Variants in NOS1AP observed in about 807,000 individuals in gnomAD.
The protein encoded by NOS1AP is nitric oxide synthase 1 adaptor protein, also known as carboxyl-terminal PDZ ligand of neuronal nitric oxide synthase protein.
NOS1AP carries 21 observed loss-of-function variants against 56.2 expected under a neutral mutation model. That is an observed-to-expected ratio of 0.37 (90% CI 0.26 to 0.54). The LOEUF is 0.54. Among genes scored for constraint, NOS1AP ranks in the 20% least tolerant of loss-of-function variants. The probability of loss-of-function intolerance (pLI) is 0.84; values close to 1 mark genes in which losing one functional copy is unlikely to be tolerated. For synonymous variants in NOS1AP, 270 were observed against 274.6 expected, an observed-to-expected ratio of 0.98 and a Z score of 0.17; for missense variants, 522 against 657.8, an observed-to-expected ratio of 0.79 and a Z score of 2.26.
intron 1 of NOS1AP, among the ~76,000 whole-genome samples, chr1:162,119,557 T>C (rs781182452): frequency 6.6e-6 from 1 of 152,228 alleles, no homozygotes; most frequent in East Asian, 1.9e-4. Context: ...CTCGTACTGC[T>C]GCTATTCTTT....
chr1:162,251,869 G>GTTTTTTTTTTT (rs57313228), intron 2 of NOS1AP, among the ~76,000 whole-genome samples: 146 of 82,152 alleles, frequency 1.8e-3, no homozygotes, highest in Admixed American at 1.8e-3. Flanking sequence ...TTTTTTTTTT[G>GTTTTTTTTTTT]TTTTTTTTTT....
intron 2 of NOS1AP, among the ~76,000 whole-genome samples, chr1:162,175,221 ACCTCCTT>A (rs1651005192): frequency 6.6e-6 from 1 of 151,514 alleles, no homozygotes; most frequent in African/African-American, 2.4e-5. Context: ...GTTTTGCTCT[ACCTCCTT>A]AAAGGCAGTT....
At chr1:162,330,470 G>A (rs151265278) in intron 4 of NOS1AP, among the ~76,000 whole-genome samples, 33 of 152,338 alleles carry the variant, frequency 2.2e-4, no homozygotes, top group Admixed American at 3.9e-4. Flanking sequence ...AGGCTGCTCT[G>A]AACCAAGTCT....
chr1:162,159,672 A>G (rs927594584), intron 2 of NOS1AP, among the ~76,000 whole-genome samples: 4 of 152,098 alleles, frequency 2.6e-5, no homozygotes, highest in African/African-American at 4.8e-5. Context: ...GAGCAACTGT[A>G]TTCCCAACAT....
intron 2 of NOS1AP, among the ~76,000 whole-genome samples, chr1:162,202,771 A>G (rs1195916560): frequency 1.3e-5 from 2 of 152,240 alleles, no homozygotes; most frequent in Non-Finnish European, 2.9e-5. Flanking sequence ...TTTTGTATCA[A>G]CTAAGATGCT....
intron 2 of NOS1AP, among the ~76,000 whole-genome samples, chr1:162,233,444 TA>T (rs1298074884): frequency 2.0e-5 from 3 of 152,164 alleles, no homozygotes; most frequent in Non-Finnish European, 4.4e-5. Flanking sequence ...TCTTTAAAAA[TA>T]ACATCTTTAT....
chr1:162,197,980 G>A (rs991126332), intron 2 of NOS1AP, among the ~76,000 whole-genome samples: 7 of 152,224 alleles, frequency 4.6e-5, no homozygotes, highest in African/African-American at 1.4e-4. Flanking sequence ...CACCAGCCTC[G>A]CCCAGAGTGT....
At position 162,368,900 on chromosome 1, in the gene NOS1AP, G is replaced by C. The variant is rs1380166429; in HGVS notation, c.*1433G>C. On this transcript the variant is annotated 3_prime_UTR_variant, in exon 10 of 10. Transcript: ENST00000361897. ...TGATTATCCCAAAATGGAGTTCATCGACCCTAGCTTTCCTTTAGATTATAT... is the reference window on the plus strand; with the variant it reads ...TGATTATCCCAAAATGGAGTTCATCCACCCTAGCTTTCCTTTAGATTATAT... The C allele has an allele frequency of 6.6e-6, 1 of 152,200 alleles. No homozygotes were observed. Among genetic ancestry groups the C allele is most frequent in the African/African-American group, 2.4e-5 (1 of 41,452 alleles). The allele number at this position is 152,200 out of a possible 1,614,324, so 9.4% of individuals were successfully genotyped here. A position where few individuals can be genotyped will look rare whatever the true frequency, so the allele number is the denominator to read the frequency against.
intron 1 of NOS1AP, among the ~76,000 whole-genome samples, chr1:162,129,366 T>C (rs1345529407): frequency 1.3e-5 from 2 of 152,176 alleles, no homozygotes; most frequent in Non-Finnish European, 2.9e-5. Context: ...TAAACCCTGA[T>C]TGTTGCCCAC....
chr1:162,096,381 C>A (rs1299463563), intron 1 of NOS1AP, among the ~76,000 whole-genome samples: 1 of 152,112 alleles, frequency 6.6e-6, no homozygotes, highest in South Asian at 2.1e-4. Flanking sequence ...ACCAGTTGAA[C>A]CACCATCAGG....
chr1:162,186,023 G>A (rs3927640), intron 2 of NOS1AP, among the ~76,000 whole-genome samples: 76,287 of 152,090 alleles, frequency 0.5, 20,495 homozygotes, highest in East Asian at 0.76. Flanking sequence ...CTCCTCCTTC[G>A]TAGTTGCTTT....
intron 1 of NOS1AP, among the ~76,000 whole-genome samples, chr1:162,144,867 T>A (rs970404767): frequency 6.6e-6 from 1 of 152,212 alleles, no homozygotes; most frequent in African/African-American, 2.4e-5. Context: ...AAGCTTTTGC[T>A]AATGGAGACT....
chr1:162,250,028 T>G (rs1451813313), intron 2 of NOS1AP, among the ~76,000 whole-genome samples: 2 of 152,194 alleles, frequency 1.3e-5, no homozygotes, highest in African/African-American at 4.8e-5. Context: ...AATGGAGCAG[T>G]CAAATCCCAT....
chr1:162,287,591 C>T (rs1400259318), intron 3 of NOS1AP, among the ~76,000 whole-genome samples, 155 bp downstream of exon 3: 1 of 152,098 alleles, frequency 6.6e-6, no homozygotes, highest in Non-Finnish European at 1.5e-5. Context: ...CAGGCTGCAG[C>T]AGAGTGTAGG....
At chr1:162,325,818 C>T (rs1369346612) in intron 4 of NOS1AP, among the ~76,000 whole-genome samples, 4 of 151,914 alleles carry the variant, frequency 2.6e-5, no homozygotes, top group African/African-American at 9.7e-5. Context: ...CTCTGTGCTG[C>T]AGCATGTCTT....
At chr1:162,270,236 C>T (rs1654543327) in intron 2 of NOS1AP, among the ~76,000 whole-genome samples, 2 of 152,118 alleles carry the variant, frequency 1.3e-5, no homozygotes, top group Admixed American at 6.5e-5. Context: ...TCCTTGCTTC[C>T]TCCCTGAGTT....
chr1:162,099,191 T>G (rs1341096187), intron 1 of NOS1AP, among the ~76,000 whole-genome samples: 3 of 107,474 alleles, frequency 2.8e-5, no homozygotes, highest in Non-Finnish European at 7.4e-5. Flanking sequence ...TTTTGACTTT[T>G]TTTTTGTTTT....
intron 1 of NOS1AP, among the ~76,000 whole-genome samples, chr1:162,132,464 T>C (rs1053953442): frequency 6.6e-6 from 1 of 152,242 alleles, no homozygotes; most frequent in African/African-American, 2.4e-5. Context: ...TGTAGAAAGA[T>C]AAAGTCAAGA....
At chr1:162,312,953 A>G (rs1656093457) in intron 4 of NOS1AP, among the ~76,000 whole-genome samples, 2 of 151,830 alleles carry the variant, frequency 1.3e-5, no homozygotes, top group Admixed American at 1.3e-4. Flanking sequence ...AAAACTCTCA[A>G]CAAATTAGGT....
Sources: gnomAD v4.1 joint callset for allele counts (sites outside exome capture counted in the v4.1 genomes callset) on GRCh38, gnomAD v4.1.1 for gene constraint, MANE v1.5 for transcripts, NCBI Gene and HGNC (gene_info 2026-07-23, HGNC 2026-07-21) for gene names.